The following GABRB1 variants were observed in gnomAD, a reference collection of about 807,000 sequenced individuals.
The protein encoded by GABRB1 is gamma-aminobutyric acid type A receptor subunit beta1.
GABRB1 carries 17 observed loss-of-function variants against 51.6 expected under a neutral mutation model. That is an observed-to-expected ratio of 0.33 (90% CI 0.23 to 0.49). GABRB1 has a LOEUF of 0.49. Ranked by LOEUF, GABRB1 falls within the 20% of genes least tolerant of loss-of-function variation. GABRB1 has a pLI of 0.99. For synonymous variants in GABRB1, 247 were observed against 218.9 expected (o/e 1.13, Z -1.14); for missense variants, 410 against 600.6 (o/e 0.68, Z 3.32).
chr4:47,007,191 G>A (rs1047113248), intron 1 of GABRB1, among the ~76,000 whole-genome samples: 1 of 151,564 alleles, frequency 6.6e-6, no homozygotes, highest in Admixed American at 6.6e-5. Flanking sequence ...TAAATGTAAA[G>A]ACAGAAAATT....
intron 3 of GABRB1, among the ~76,000 whole-genome samples, chr4:47,083,985 G>C: frequency 6.6e-6 from 1 of 151,644 alleles, no homozygotes; most frequent in Non-Finnish European, 1.5e-5. Flanking sequence ...TACCCCAAAG[G>C]AAAAAATATC....
At chr4:47,306,982 A>G (rs1724495755) in intron 4 of GABRB1, among the ~76,000 whole-genome samples, 1 of 152,142 alleles carries the variant, frequency 6.6e-6, no homozygotes, top group Admixed American at 6.6e-5. Flanking sequence ...CTAGAAGTAT[A>G]GTGGCTGAGT....
At chr4:47,104,521 TC>T (rs1714868272) in intron 3 of GABRB1, among the ~76,000 whole-genome samples, 1 of 151,806 alleles carries the variant, frequency 6.6e-6, no homozygotes, top group Non-Finnish European at 1.5e-5. Flanking sequence ...TCTCTCTCTC[TC>T]TCTCTCTCTT....
chr4:47,190,325 C>A (rs1719389840), intron 4 of GABRB1, among the ~76,000 whole-genome samples: 1 of 152,036 alleles, frequency 6.6e-6, no homozygotes, highest in African/African-American at 2.4e-5. Flanking sequence ...CTAACCATAC[C>A]CAACTCTATC....
intron 4 of GABRB1, among the ~76,000 whole-genome samples, chr4:47,230,935 G>A (rs1339261289): frequency 6.6e-6 from 1 of 152,096 alleles, no homozygotes; most frequent in Admixed American, 6.6e-5. Context: ...CCATGTAACA[G>A]GCCCTCATTT....
intron 4 of GABRB1, among the ~76,000 whole-genome samples, chr4:47,197,513 CA>C (rs1719730717): frequency 6.6e-6 from 1 of 152,078 alleles, no homozygotes. Context: ...GAAAATAATA[CA>C]AAATTGTTCA....
chr4:47,335,792 A>C (rs1725676165), intron 5 of GABRB1, among the ~76,000 whole-genome samples: 1 of 152,218 alleles, frequency 6.6e-6, no homozygotes, highest in African/African-American at 2.4e-5. Flanking sequence ...AAGCATGCTT[A>C]GATTGAATCT....
In GABRB1 at chr4:47,019,944, A is replaced by ATATGTATACGTATACGTATACGTG. The variant is rs1560498432; in HGVS notation, c.-19-11962_-19-11961insCGTATACGTATACGTGTATGTATA. ...TATACGTATATGTATACGTATATGT[A>ATATGTATACGTATACGTATACGTG]TATGTATATGTATATATATTTTGTA... On this transcript the variant is annotated intron_variant, in intron 1 of 3. Coordinates refer to the GABRB1 transcript ENST00000513567. 8.4e-4 allele frequency among the ~76,000 whole-genome samples: 127 copies of ATATGTATACGTATACGTATACGTG among 150,742 alleles called. 1 individual carries two copies. The highest frequency in any genetic ancestry group is 7.1e-3 in the Middle Eastern group (2 of 282).
chr4:47,057,038 G>A lies in GABRB1; in HGVS notation c.240+24554G>A, dbSNP rs575699074. Among the ~76,000 whole-genome samples the A allele has an allele frequency of 2.0e-4, 31 of 152,250 alleles. No individual in the cohort carries two copies. The South Asian group carries it at 5.2e-3, about 25-fold the overall frequency. ...GGAGAATCGCCTGACCCTGGGAGAC[G>A]AGGTTGCAGTGAGCCGAGATCACGC... On this transcript the variant is annotated intron_variant, in intron 3 of 8. Transcript: ENST00000295454.
chr4:47,230,815 G>A (rs961890782), intron 4 of GABRB1, among the ~76,000 whole-genome samples: 3 of 152,126 alleles, frequency 2.0e-5, no homozygotes, highest in Non-Finnish European at 4.4e-5. Flanking sequence ...TGGGTTATGA[G>A]GATTTGATAA....
At chr4:47,264,628 C>T (rs555771747) in intron 4 of GABRB1, among the ~76,000 whole-genome samples, 1 of 152,270 alleles carries the variant, frequency 6.6e-6, no homozygotes, top group African/African-American at 2.4e-5. Context: ...GCTTTTTTCT[C>T]TTTTAGAAAA....
chr4:47,230,032 C>T (rs1721083381), intron 4 of GABRB1, among the ~76,000 whole-genome samples: 1 of 151,974 alleles, frequency 6.6e-6, no homozygotes, highest in Non-Finnish European at 1.5e-5. Flanking sequence ...TTGGGTTGTG[C>T]TAGCTATTAA....
intron 3 of GABRB1, among the ~76,000 whole-genome samples, chr4:47,123,747 TA>T (rs1715953436): frequency 2.3e-5 from 2 of 88,512 alleles, no homozygotes; most frequent in Non-Finnish European, 4.0e-5. Context: ...TTATTATATA[TA>T]TAATATATTA....
chr4:47,112,479 G>A (rs1238335573), intron 3 of GABRB1, among the ~76,000 whole-genome samples: 1 of 152,112 alleles, frequency 6.6e-6, no homozygotes, highest in East Asian at 1.9e-4. Context: ...GGCAGTTCTT[G>A]GTTTGATTGT....
In GABRB1 at chr4:47,201,802, G is replaced by T. The variant is rs369246880; in HGVS notation, c.461+40333G>T. Reference sequence around the variant, plus strand: ...AAGAGGAAAAATGTCAACCAAAATAGCACAAGTGCTTATTTTTACTAGCAT... The same window carrying T: ...AAGAGGAAAAATGTCAACCAAAATATCACAAGTGCTTATTTTTACTAGCAT... On this transcript the variant is annotated intron_variant, in intron 4 of 8. Transcript: ENST00000295454. Among the ~76,000 whole-genome samples the T allele has an allele frequency of 4.6e-5, 7 of 152,186 alleles. No homozygotes were observed. The East Asian group carries it at 1.4e-3, about 29-fold the overall frequency.
At chr4:47,094,139 G>GA (rs1255045143) in intron 3 of GABRB1, among the ~76,000 whole-genome samples, 1 of 150,148 alleles carries the variant, frequency 6.7e-6, no homozygotes, top group Non-Finnish European at 1.5e-5. Flanking sequence ...GCTATGATTG[G>GA]AAAAAACGGT....
chr4:47,086,783 G>C (rs1048927654), intron 3 of GABRB1, among the ~76,000 whole-genome samples: 5 of 152,260 alleles, frequency 3.3e-5, no homozygotes, highest in Admixed American at 3.3e-4. Context: ...CTCACATAGA[G>C]CTCTCATTTC....
chr4:47,126,792 C>T (rs1198574940), intron 3 of GABRB1, among the ~76,000 whole-genome samples: 2 of 151,906 alleles, frequency 1.3e-5, no homozygotes, highest in Admixed American at 1.3e-4. Flanking sequence ...CAAGGTTGAA[C>T]TAATGACTAT....
At chr4:47,403,752 C>G in intron 7 of GABRB1, 41 bp downstream of exon 7, 1 of 1,588,820 alleles carries the variant, frequency 6.3e-7, no homozygotes, top group East Asian at 2.2e-5. Flanking sequence ...ACAGATTTTA[C>G]TTTCAAACAA....
Sources: gnomAD v4.1 joint callset for allele counts (sites outside exome capture counted in the v4.1 genomes callset) on GRCh38, gnomAD v4.1.1 for gene constraint, MANE v1.5 for transcripts, NCBI Gene and HGNC (gene_info 2026-07-23, HGNC 2026-07-21) for gene names.